The following ITPRID1 variants were observed in gnomAD, a reference collection of about 807,000 sequenced individuals.
ITPRID1 encodes the protein protein ITPRID1.
In ITPRID1, 96 loss-of-function variants were observed where a neutral mutation model predicts 95.4. The ratio of observed to expected loss-of-function variants is 1.01; its 90% CI spans 0.85 to 1.19. The LOEUF is 1.19. Among genes scored for constraint, ITPRID1 ranks in the 50% most tolerant of loss-of-function variants. The pLI is 0.00. For missense variants in ITPRID1, 1,339 were observed against 1,252.9 expected, an observed-to-expected ratio of 1.07 and a Z score of -1.04; for synonymous variants, 510 against 453.6, an observed-to-expected ratio of 1.12 and a Z score of -1.58.
At chr7:31,535,237 A>G (rs1429123678) in intron 1 of ITPRID1, among the ~76,000 whole-genome samples, 1 of 152,130 alleles carries the variant, frequency 6.6e-6, no homozygotes, top group Non-Finnish European at 1.5e-5. Flanking sequence ...ATATTGTACT[A>G]TTTCACAATG....
At chr7:31,542,745 A>G (rs1309347285) in intron 1 of ITPRID1, among the ~76,000 whole-genome samples, 2 of 152,158 alleles carry the variant, frequency 1.3e-5, no homozygotes, top group East Asian at 3.9e-4. Context: ...CTCTATGCCA[A>G]ATTTTGACAC....
At chr7:31,576,216 T>C (rs528806477) in intron 8 of ITPRID1, among the ~76,000 whole-genome samples, 8 of 152,122 alleles carry the variant, frequency 5.3e-5, no homozygotes, top group African/African-American at 1.7e-4. Flanking sequence ...AGGTCAAATA[T>C]AAAACAACCA....
chr7:31,651,935 G>T lies in ITPRID1; in HGVS notation c.2712-4G>T. On this transcript the variant is annotated splice_region_variant and splice_polypyrimidine_tract_variant and intron_variant, in intron 13 of 14. Transcript: ENST00000615280. ...TTTGGTTATTTTCTATTATTTACTT[G>T]CAGGGAGGAGGCCGAGCAACTGCAA... The T allele has an allele frequency of 1.3e-6, 2 of 1,580,834 alleles. No homozygotes were observed. Among genetic ancestry groups the T allele is most frequent in the South Asian group, 2.3e-5 (2 of 86,214 alleles).
intron 10 of ITPRID1, among the ~76,000 whole-genome samples, chr7:31,617,888 T>TA (rs1787418773): frequency 6.6e-6 from 1 of 152,208 alleles, no homozygotes; most frequent in Admixed American, 6.5e-5. Flanking sequence ...CTTCTAACGC[T>TA]ACAAATCACT....
At chr7:31,545,208 T>G (rs1784058452) in intron 1 of ITPRID1, among the ~76,000 whole-genome samples, 1 of 152,186 alleles carries the variant, frequency 6.6e-6, no homozygotes, top group African/African-American at 2.4e-5. Flanking sequence ...ACAAGGCCAC[T>G]GCTTATAGAA....
chr7:31,522,473 G>A (rs6974680), intron 1 of ITPRID1, among the ~76,000 whole-genome samples: 5 of 152,198 alleles, frequency 3.3e-5, no homozygotes, highest in African/African-American at 9.7e-5. Flanking sequence ...TATGAGGAAA[G>A]TTGCTCATGA....
rs1791223397 is a variant in ITPRID1 at position 31,654,939 on chromosome 7, G to C, written c.*2110G>C. On this transcript the variant is annotated 3_prime_UTR_variant, in exon 15 of 15. Coordinates refer to ENST00000615280, the MANE Select transcript of ITPRID1 (RefSeq NM_001257967.3). Reference sequence around the variant, plus strand: ...ACTCAGCGGGGCCTTCCTACCCTTGGGACCACCACACTATTTTTCCCATGG... The same window carrying C: ...ACTCAGCGGGGCCTTCCTACCCTTGCGACCACCACACTATTTTTCCCATGG... Among the ~76,000 whole-genome samples, 1 of 151,952 alleles carries C rather than the reference G, an allele frequency of 6.6e-6. No homozygotes were observed. The highest frequency in any genetic ancestry group is 1.5e-5 in the Non-Finnish European group (1 of 67,996).
At chr7:31,628,239 C>G (rs114405152) in intron 10 of ITPRID1, among the ~76,000 whole-genome samples, 2 of 152,112 alleles carry the variant, frequency 1.3e-5, no homozygotes, top group African/African-American at 4.8e-5. Flanking sequence ...CTACCGGTGC[C>G]TCCCATTGAT....
chr7:31,615,273 A>AAGAT (rs943035383), intron 10 of ITPRID1, among the ~76,000 whole-genome samples: 4 of 152,166 alleles, frequency 2.6e-5, no homozygotes, highest in African/African-American at 4.8e-5. Context: ...AAAAAACATG[A>AAGAT]AGATAGGATC....
intron 10 of ITPRID1, among the ~76,000 whole-genome samples, chr7:31,632,932 G>A (rs1467908682): frequency 6.6e-6 from 1 of 151,742 alleles, no homozygotes; most frequent in Non-Finnish European, 1.5e-5. Context: ...CTGTCGCCAG[G>A]CTGGAGTGCT....
chr7:31,516,763 T>C (rs182674805), intron 1 of ITPRID1, among the ~76,000 whole-genome samples: 6 of 152,196 alleles, frequency 3.9e-5, no homozygotes, highest in African/African-American at 1.4e-4. Flanking sequence ...TGTGACAAGA[T>C]GTGACTGGTA....
At chr7:31,650,686 C>A (rs980275942) in intron 12 of ITPRID1, among the ~76,000 whole-genome samples, 4 of 152,120 alleles carry the variant, frequency 2.6e-5, no homozygotes, top group Non-Finnish European at 4.4e-5. Context: ...TTATTCTAAG[C>A]AGATTTTCTT....
intron 10 of ITPRID1, 35 bp from the exon 11 acceptor site, chr7:31,642,141 C>G: frequency 6.7e-7 from 1 of 1,498,536 alleles, no homozygotes; most frequent in African/African-American, 1.4e-5. Flanking sequence ...GCGTGTTTTC[C>G]CTTTAATAAC....
chr7:31,575,273 G>A (rs1785141299), intron 8 of ITPRID1, among the ~76,000 whole-genome samples: 2 of 152,172 alleles, frequency 1.3e-5, no homozygotes, highest in African/African-American at 4.8e-5. Context: ...GAATCATTAG[G>A]TGAAACCCTA....
intron 10 of ITPRID1, among the ~76,000 whole-genome samples, chr7:31,618,396 T>C (rs1787475652): frequency 6.6e-6 from 1 of 152,142 alleles, no homozygotes; most frequent in Admixed American, 6.5e-5. Context: ...CACTACTAAT[T>C]AGGCTATTGA....
At chr7:31,636,239 G>A (rs1224971462) in intron 10 of ITPRID1, among the ~76,000 whole-genome samples, 1 of 152,122 alleles carries the variant, frequency 6.6e-6, no homozygotes, top group African/African-American at 2.4e-5. Context: ...AAATTTGGGT[G>A]GGGACACAGC....
chr7:31,641,517 T>C (rs1418304404), intron 10 of ITPRID1, among the ~76,000 whole-genome samples: 2 of 152,168 alleles, frequency 1.3e-5, no homozygotes, highest in Non-Finnish European at 1.5e-5. Flanking sequence ...ATGGTGACAC[T>C]CTGGTAGCCA....
At chr7:31,574,083 G>C (rs879510923) in intron 7 of ITPRID1, among the ~76,000 whole-genome samples, 15 of 151,936 alleles carry the variant, frequency 9.9e-5, no homozygotes, top group Non-Finnish European at 1.8e-4. Context: ...TGATGTCCTG[G>C]ACAGATCTGT....
chr7:31,646,293 AAG>A (rs945172061), intron 12 of ITPRID1, among the ~76,000 whole-genome samples: 16 of 152,084 alleles, frequency 1.1e-4, no homozygotes, highest in Admixed American at 1.0e-3. Context: ...ATTAATGTAA[AAG>A]GTTTGAGAGT....
Sources: gnomAD v4.1 joint callset for allele counts (sites outside exome capture counted in the v4.1 genomes callset) on GRCh38, gnomAD v4.1.1 for gene constraint, MANE v1.5 for transcripts, NCBI Gene and HGNC (gene_info 2026-07-23, HGNC 2026-07-21) for gene names.